Variants in GRIN2B observed in about 807,000 individuals in gnomAD.
GRIN2B encodes the protein glutamate ionotropic receptor NMDA type subunit 2B.
GRIN2B carries 5 observed loss-of-function variants against 114.5 expected under a neutral mutation model. The observed-to-expected ratio is 0.04, with a 90% CI of 0.02 to 0.09. The LOEUF is 0.09. Among genes scored for constraint, GRIN2B ranks in the 10% least tolerant of loss-of-function variants. The pLI, the probability that GRIN2B is intolerant of heterozygous loss-of-function variation, is 1.00. For missense variants in GRIN2B, 1,108 were observed against 1,943.5 expected (o/e 0.57, Z 8.08); for synonymous variants, 787 against 745.1 (o/e 1.06, Z -0.92).
At chr12:13,569,507 A>T (rs976339814) in intron 12 of GRIN2B, among the ~76,000 whole-genome samples, 2 of 152,208 alleles carry the variant, frequency 1.3e-5, no homozygotes, top group Non-Finnish European at 2.9e-5. Flanking sequence ...TTATCAGCAA[A>T]CCACCAGATA....
intron 9 of GRIN2B, among the ~76,000 whole-genome samples, chr12:13,610,328 G>C (rs1314694097): frequency 6.6e-6 from 1 of 152,208 alleles, no homozygotes; most frequent in Non-Finnish European, 1.5e-5. Flanking sequence ...GTAATTGTAA[G>C]CCCTCGCTCT....
At chr12:13,800,122 C>G (rs1002320429) in intron 3 of GRIN2B, among the ~76,000 whole-genome samples, 1 of 152,166 alleles carries the variant, frequency 6.6e-6, no homozygotes, top group African/African-American at 2.4e-5. Flanking sequence ...ATAATTCACC[C>G]CATGGGAGGA....
intron 2 of GRIN2B, among the ~76,000 whole-genome samples, chr12:13,968,894 G>A (rs1201814277): frequency 6.6e-6 from 1 of 152,310 alleles, no homozygotes; most frequent in Non-Finnish European, 1.5e-5. Flanking sequence ...TTGCAAATGG[G>A]TTTGAGAAAG....
Position 13,537,372 on chromosome 12 carries a change from C to G in GRIN2B, c.*25411G>C, listed in dbSNP as rs1948225524. On this transcript the variant is annotated 3_prime_UTR_variant, in exon 14 of 14. Coordinates refer to ENST00000609686, the MANE Select transcript of GRIN2B (RefSeq NM_000834.5). ...GTTTAAATTTTATGTGTAGAATTTC[C>G]TTTACATAGAGGAGCTTTGCAGTAT... is the stretch of plus-strand genomic sequence containing the variant. 6.6e-6 allele frequency: 1 copy of G among 152,066 alleles called. No homozygotes were observed. The highest frequency in any genetic ancestry group is 6.6e-5 in the Admixed American group (1 of 15,264). The allele number at this position is 152,066 out of a possible 1,614,324, so 9.4% of individuals were successfully genotyped here.
intron 4 of GRIN2B, among the ~76,000 whole-genome samples, chr12:13,685,199 T>C (rs1456234176): frequency 5.3e-5 from 8 of 152,228 alleles, no homozygotes; most frequent in African/African-American, 1.9e-4. Flanking sequence ...CTCTACTTCC[T>C]CTTACACATT....
intron 10 of GRIN2B, among the ~76,000 whole-genome samples, chr12:13,590,688 AAAT>A (rs1356894093): frequency 1.4e-4 from 21 of 152,108 alleles, no homozygotes; most frequent in African/African-American, 5.1e-4. Context: ...TTGCTATTGT[AAAT>A]AGTGCTGCAA....
intron 2 of GRIN2B, among the ~76,000 whole-genome samples, chr12:13,973,022 G>A (rs551839812): frequency 9.9e-5 from 15 of 152,210 alleles, no homozygotes; most frequent in Admixed American, 7.8e-4. Flanking sequence ...ACCAGACTAC[G>A]GCCCCTAGAA....
chr12:13,795,856 C>G lies in GRIN2B; in HGVS notation c.412-41941G>C, dbSNP rs141347520. On this transcript the variant is annotated intron_variant, in intron 3 of 13. Transcript: ENST00000609686. ...GACAGAAAACCAAACATCACGTGTT[C>G]TAACTCATAGGTGGGAATTGAACAA... Among the ~76,000 whole-genome samples the G allele has an allele frequency of 5.4e-3, 815 of 152,168 alleles. 4 individuals are homozygous for G. Among genetic ancestry groups the G allele is most frequent in the Non-Finnish European group, 8.7e-3 (591 of 68,010 alleles).
intron 2 of GRIN2B, among the ~76,000 whole-genome samples, chr12:13,887,954 C>T (rs1047607803): frequency 3.9e-5 from 6 of 152,148 alleles, no homozygotes; most frequent in Non-Finnish European, 7.3e-5. Flanking sequence ...CCAGGACTGA[C>T]GCAGTGCACA....
chr12:13,929,911 C>T (rs557329082), intron 2 of GRIN2B, among the ~76,000 whole-genome samples: 1 of 152,260 alleles, frequency 6.6e-6, no homozygotes, highest in African/African-American at 2.4e-5. Context: ...ATTGGCTGGG[C>T]GCAGTGGCTC....
In GRIN2B at chr12:13,540,860, AGTC is replaced by A. The variant is rs1948268711; in HGVS notation, c.*21920_*21922del. On this transcript the variant is annotated 3_prime_UTR_variant, in exon 14 of 14. Transcript: ENST00000609686. ...GCCTCGCAGAGCTGAGGCAAGCCTGAGTCGTCGGTGCTCCCTGGAGAGGACATC... is the reference window on the plus strand; with the variant it reads ...GCCTCGCAGAGCTGAGGCAAGCCTGAGTCGGTGCTCCCTGGAGAGGACATC... The A allele has an allele frequency of 6.6e-6, 1 of 152,240 alleles. No homozygotes were observed. Among genetic ancestry groups the A allele is most frequent in the South Asian group, 2.1e-4 (1 of 4,822 alleles). The allele number at this position is 152,240 out of a possible 1,614,324, so 9.4% of individuals were successfully genotyped here.
intron 4 of GRIN2B, among the ~76,000 whole-genome samples, chr12:13,713,117 CA>C: frequency 6.6e-6 from 1 of 151,802 alleles, no homozygotes; most frequent in East Asian, 1.9e-4. Flanking sequence ...GTGTAATACA[CA>C]ATCAACAAGA....
At chr12:13,670,391 T>G (rs1950012648) in intron 5 of GRIN2B, 1 of 152,188 alleles carries the variant, frequency 6.6e-6, no homozygotes, top group Admixed American at 6.5e-5. Context: ...CTCCTTTAAT[T>G]CTGACCCAGA....
intron 5 of GRIN2B, among the ~76,000 whole-genome samples, chr12:13,628,414 T>A (rs1307597149): frequency 1.3e-5 from 2 of 152,216 alleles, no homozygotes; most frequent in Non-Finnish European, 2.9e-5. Context: ...TACACCCTCT[T>A]CATGATCCTT....
At chr12:13,899,028 C>G (rs1262485058) in intron 2 of GRIN2B, among the ~76,000 whole-genome samples, 1 of 152,212 alleles carries the variant, frequency 6.6e-6, no homozygotes, top group Non-Finnish European at 1.5e-5. Context: ...GAATTCCTTT[C>G]CCCATTTTAC....
intron 2 of GRIN2B, among the ~76,000 whole-genome samples, chr12:13,896,768 A>G (rs951301980): frequency 2.6e-5 from 4 of 152,166 alleles, no homozygotes; most frequent in Admixed American, 2.6e-4. Flanking sequence ...CAAGTTAATT[A>G]TATGCAATAC....
chr12:13,820,673 T>C (rs1431213234), intron 3 of GRIN2B, among the ~76,000 whole-genome samples: 2 of 152,164 alleles, frequency 1.3e-5, no homozygotes, highest in Non-Finnish European at 2.9e-5. Flanking sequence ...TAAATGTTGA[T>C]TGAATTAATG....
chr12:13,766,536 G>A (rs1001014090), intron 3 of GRIN2B, among the ~76,000 whole-genome samples: 4 of 152,136 alleles, frequency 2.6e-5, no homozygotes, highest in Non-Finnish European at 5.9e-5. Context: ...CTCTGATATC[G>A]AGTCTCAGCT....
intron 4 of GRIN2B, among the ~76,000 whole-genome samples, chr12:13,739,888 G>A (rs1371827316): frequency 6.6e-6 from 1 of 152,178 alleles, no homozygotes; most frequent in African/African-American, 2.4e-5. Flanking sequence ...CGGGCGTCAT[G>A]GCAACACCAT....
Sources: allele counts gnomAD v4.1 joint callset (sites outside exome capture counted in the v4.1 genomes callset), GRCh38; gene constraint gnomAD v4.1.1; transcripts MANE v1.5; gene names NCBI Gene and HGNC (gene_info 2026-07-23, HGNC 2026-07-21).